JAM3: variants seen among roughly 807,000 people sequenced by gnomAD.
JAM3 encodes the protein junctional adhesion molecule C.
Under a neutral mutation model 39.4 loss-of-function variants are expected in JAM3, and 31 were observed. That is an observed-to-expected ratio of 0.79 (90% CI 0.59 to 1.06). The LOEUF is 1.06. Ranked by LOEUF, JAM3 falls within the 50% of genes least tolerant of loss-of-function variation. The probability of loss-of-function intolerance (pLI) is 0.00; values close to 1 mark genes in which losing one functional copy is unlikely to be tolerated. For missense variants in JAM3, 455 were observed against 391.4 expected (o/e 1.16, Z -1.37); for synonymous variants, 182 against 148.7 (o/e 1.22, Z -1.63).
chr11:134,113,605 GGGTT>G (rs1942363893), intron 1 of JAM3, among the ~76,000 whole-genome samples: 1 of 152,098 alleles, frequency 6.6e-6, no homozygotes, highest in Non-Finnish European at 1.5e-5. Flanking sequence ...ATGGACATTT[GGGTT>G]GGTTCCAAGT....
chr11:134,085,239 G>A (rs1591771853), intron 1 of JAM3, among the ~76,000 whole-genome samples: 1 of 152,042 alleles, frequency 6.6e-6, no homozygotes, highest in Non-Finnish European at 1.5e-5. Flanking sequence ...ATTTAACAGT[G>A]GTCCTTAAAA....
At chr11:134,116,223 T>C (rs1277432340) in intron 1 of JAM3, among the ~76,000 whole-genome samples, 1 of 152,230 alleles carries the variant, frequency 6.6e-6, no homozygotes, top group Non-Finnish European at 1.5e-5. Context: ...TAAGATGTTA[T>C]GAGGCTATTC....
chr11:134,136,472 G>A (rs570970269), intron 1 of JAM3, among the ~76,000 whole-genome samples: 2 of 152,330 alleles, frequency 1.3e-5, no homozygotes, highest in South Asian at 4.1e-4. Context: ...ACATTTTAAA[G>A]TGGCACCTTG....
At chr11:134,117,472 C>T (rs1054543638) in intron 1 of JAM3, among the ~76,000 whole-genome samples, 23 of 152,344 alleles carry the variant, frequency 1.5e-4, no homozygotes, top group African/African-American at 5.3e-4. Context: ...AGTTTGCAGT[C>T]TGTTCTACCT....
At chr11:134,081,587 G>A (rs994190602) in intron 1 of JAM3, among the ~76,000 whole-genome samples, 4 of 152,252 alleles carry the variant, frequency 2.6e-5, no homozygotes, top group Non-Finnish European at 5.9e-5. Flanking sequence ...ATTGAGGTTT[G>A]GGAACCTTCA....
intron 1 of JAM3, among the ~76,000 whole-genome samples, chr11:134,122,398 C>A (rs1262464661): frequency 1.3e-5 from 2 of 152,186 alleles, no homozygotes; most frequent in South Asian, 4.1e-4. Context: ...TACCCCTCTA[C>A]CTGCTTTGTC....
chr11:134,120,366 C>T (rs576498101), intron 1 of JAM3, among the ~76,000 whole-genome samples: 2 of 152,188 alleles, frequency 1.3e-5, no homozygotes, highest in Non-Finnish European at 2.9e-5. Context: ...AAATATAACT[C>T]CTTAGAGAGC....
At chr11:134,136,414 T>A (rs1307564967) in intron 1 of JAM3, among the ~76,000 whole-genome samples, 1 of 152,212 alleles carries the variant, frequency 6.6e-6, no homozygotes, top group Non-Finnish European at 1.5e-5. Flanking sequence ...CGTGTTAGAT[T>A]TGTGCCTTCC....
intron 1 of JAM3, among the ~76,000 whole-genome samples, chr11:134,094,751 T>C (rs1591778392): frequency 6.6e-6 from 1 of 152,324 alleles, no homozygotes; most frequent in East Asian, 1.9e-4. Flanking sequence ...TTATTGCAAT[T>C]GCAATTAATT....
At chr11:134,086,142 G>C (rs1941742665) in intron 1 of JAM3, among the ~76,000 whole-genome samples, 1 of 152,188 alleles carries the variant, frequency 6.6e-6, no homozygotes, top group South Asian at 2.1e-4. Flanking sequence ...GACCAAGTAA[G>C]ATTGTGTGTG....
chr11:134,089,356 A>G (rs1055164229), intron 1 of JAM3, among the ~76,000 whole-genome samples: 1 of 152,008 alleles, frequency 6.6e-6, no homozygotes, highest in Non-Finnish European at 1.5e-5. Flanking sequence ...ACATGTGCAC[A>G]GCATGCAGGT....
intron 1 of JAM3, among the ~76,000 whole-genome samples, chr11:134,136,050 A>G (rs1942859590): frequency 1.3e-5 from 2 of 152,184 alleles, no homozygotes; most frequent in African/African-American, 4.8e-5. Flanking sequence ...AGCCTGGGTG[A>G]CAAGAGTGAA....
intron 1 of JAM3, among the ~76,000 whole-genome samples, chr11:134,119,880 TG>T (rs1942501926): frequency 6.6e-6 from 1 of 152,236 alleles, no homozygotes; most frequent in African/African-American, 2.4e-5. Flanking sequence ...TGGTCTGTTT[TG>T]TATATAACCA....
chr11:134,136,058 GA>G (rs1471338657), intron 1 of JAM3, among the ~76,000 whole-genome samples: 5 of 152,180 alleles, frequency 3.3e-5, no homozygotes, highest in Admixed American at 1.3e-4. Context: ...TGACAAGAGT[GA>G]AACTGTCTCA....
chr11:134,112,794 T>C (rs1202544447), intron 1 of JAM3, among the ~76,000 whole-genome samples: 1 of 152,192 alleles, frequency 6.6e-6, no homozygotes, highest in Non-Finnish European at 1.5e-5. Flanking sequence ...TTGCCCAAAC[T>C]TAAGATAGCT....
chr11:134,090,178 G>T (rs1350788895), intron 1 of JAM3, among the ~76,000 whole-genome samples: 1 of 151,828 alleles, frequency 6.6e-6, no homozygotes, highest in Non-Finnish European at 1.5e-5. Flanking sequence ...CTTTTTTGTT[G>T]GAGTTCATTG....
Position 134,148,770 on chromosome 11 carries a change from G to A in JAM3, c.849G>A (p.Lys283=). The part of the protein sequence containing the change: ...INNKQDGESY[K]NPGKPDGVNY... The stretch of plus-strand genomic sequence containing the variant: ...TGCTCTCTTCTCCTCATAGTTACAA[G>A]AACCCAGGGAAACCAGATGGAGTTA... The change falls in exon 8 of 9, where the codon AAG becomes AAA. Residue 283 remains lysine (K), a synonymous_variant. Coordinates refer to ENST00000299106, the MANE Select transcript of JAM3 (RefSeq NM_032801.5). 2 of 1,614,110 alleles carry A rather than the reference G, an allele frequency of 1.2e-6. No individual in the cohort carries two copies. Among genetic ancestry groups the A allele is most frequent in the Non-Finnish European group, 1.7e-6 (2 of 1,180,002 alleles).
chr11:134,093,009 A>G (rs954302271), intron 1 of JAM3, among the ~76,000 whole-genome samples: 1 of 144,658 alleles, frequency 6.9e-6, no homozygotes, highest in Non-Finnish European at 1.5e-5. Flanking sequence ...TCCACCTTAC[A>G]TGTCACTTCC....
intron 3 of JAM3, among the ~76,000 whole-genome samples, chr11:134,141,409 G>C (rs77319369): frequency 0.047 from 7,160 of 152,050 alleles, 629 homozygotes; most frequent in African/African-American, 0.16. Context: ...GGAAAGACTG[G>C]AAGTTCCCCA....
Sources: allele counts gnomAD v4.1 joint callset (sites outside exome capture counted in the v4.1 genomes callset), GRCh38; gene constraint gnomAD v4.1.1; transcripts MANE v1.5; gene names NCBI Gene and HGNC (gene_info 2026-07-23, HGNC 2026-07-21).